GALNT13: variants seen among roughly 807,000 people sequenced by gnomAD.
GALNT13 encodes UDP-GalNAc:polypeptide N-acetylgalactosaminyltransferase 13.
A neutral mutation model predicts 64.2 loss-of-function variants in GALNT13; 28 were observed. That is an observed-to-expected ratio of 0.44 (90% CI 0.32 to 0.60). The LOEUF is 0.60. Ranked by LOEUF, GALNT13 falls within the 20% of genes least tolerant of loss-of-function variation. The probability of loss-of-function intolerance (pLI) is 0.05; values close to 1 mark genes in which losing one functional copy is unlikely to be tolerated. For synonymous variants in GALNT13, 214 were observed against 224.6 expected, an observed-to-expected ratio of 0.95 and a Z score of 0.42; for missense variants, 577 against 669.8, an observed-to-expected ratio of 0.86 and a Z score of 1.53.
the GALNT13 span, among the ~76,000 whole-genome samples, chr2:153,464,928 C>G: frequency 6.6e-6 from 1 of 152,070 alleles, no homozygotes; most frequent in African/African-American, 2.4e-5. Flanking sequence ...TAGTTACATA[C>G]TGGAAGATGC....
At chr2:153,199,173 G>C in the GALNT13 span, among the ~76,000 whole-genome samples, 19,990 of 152,228 alleles carry the variant, frequency 0.13, 1,469 homozygotes, top group Middle Eastern at 0.2. Context: ...TGGCAAGTAG[G>C]CTTCTCCTGC....
At chr2:153,620,870 T>C in the GALNT13 span, among the ~76,000 whole-genome samples, 3 of 152,066 alleles carry the variant, frequency 2.0e-5, no homozygotes, top group African/African-American at 7.2e-5. Flanking sequence ...TATTGTAGTC[T>C]TCACTGTGTG....
the GALNT13 span, among the ~76,000 whole-genome samples, chr2:153,301,719 C>T: frequency 1.3e-5 from 2 of 152,238 alleles, no homozygotes; most frequent in Admixed American, 6.5e-5. Flanking sequence ...CAGTTCTCTG[C>T]TTCCACGAGT....
At chr2:153,328,454 A>G in the GALNT13 span, among the ~76,000 whole-genome samples, 6 of 152,322 alleles carry the variant, frequency 3.9e-5, no homozygotes, top group South Asian at 6.2e-4. Context: ...AGTTTTATCT[A>G]TAAGCCCCTG....
At chr2:153,613,100 A>C in the GALNT13 span, among the ~76,000 whole-genome samples, 1 of 152,130 alleles carries the variant, frequency 6.6e-6, no homozygotes, top group African/African-American at 2.4e-5. Context: ...TTGAACACGC[A>C]TTGATTTACT....
intron 7 of GALNT13, among the ~76,000 whole-genome samples, chr2:154,251,838 A>T (rs529485814): frequency 6.6e-6 from 1 of 152,308 alleles, no homozygotes; most frequent in South Asian, 2.1e-4. Flanking sequence ...TAGAATAAGG[A>T]AGAAAGGAGA....
chr2:153,351,996 TATG>T, the GALNT13 span, among the ~76,000 whole-genome samples: 6 of 152,274 alleles, frequency 3.9e-5, no homozygotes, highest in East Asian at 1.2e-3. Flanking sequence ...TACTGCATCA[TATG>T]ATAAGAGTAT....
chr2:153,650,859 G>T, the GALNT13 span, among the ~76,000 whole-genome samples: 3 of 152,020 alleles, frequency 2.0e-5, no homozygotes, highest in African/African-American at 7.3e-5. Flanking sequence ...CCAAGTTTCG[G>T]AAGTATAAGA....
chr2:154,449,485 A>AG (rs1287512361), intron 12 of GALNT13, among the ~76,000 whole-genome samples: 9 of 151,762 alleles, frequency 5.9e-5, no homozygotes, highest in South Asian at 2.1e-4. Context: ...ATTTGCAAAA[A>AG]AAAAAGTATC....
the GALNT13 span, among the ~76,000 whole-genome samples, chr2:153,235,723 T>A: frequency 1.3e-5 from 2 of 152,146 alleles, no homozygotes; most frequent in African/African-American, 4.8e-5. Flanking sequence ...TTGTGCACTG[T>A]CAGGTGGTTT....
chr2:154,143,442 A>T (rs887392805), intron 4 of GALNT13, among the ~76,000 whole-genome samples: 9 of 150,246 alleles, frequency 6.0e-5, no homozygotes, highest in African/African-American at 2.0e-4. Flanking sequence ...TCAAGTTTTT[A>T]AAAAATCTCG....
chr2:154,133,427 G>A (rs936847513), intron 3 of GALNT13, among the ~76,000 whole-genome samples: 3 of 150,738 alleles, frequency 2.0e-5, no homozygotes, highest in Non-Finnish European at 4.4e-5. Flanking sequence ...TATGATTAAA[G>A]ATTTTTGAGC....
At chr2:153,617,666 A>G in the GALNT13 span, among the ~76,000 whole-genome samples, 5 of 151,876 alleles carry the variant, frequency 3.3e-5, no homozygotes, top group South Asian at 1.0e-3. Context: ...GAATTCAGCA[A>G]TAAAACCACT....
the GALNT13 span, among the ~76,000 whole-genome samples, chr2:153,219,495 G>A: frequency 6.6e-6 from 1 of 152,176 alleles, no homozygotes; most frequent in Admixed American, 6.5e-5. Flanking sequence ...GCTGTCTCAA[G>A]GATTTTAGAA....
At chr2:153,920,387 A>G (rs1455268572) in intron 2 of GALNT13, among the ~76,000 whole-genome samples, 5 of 152,020 alleles carry the variant, frequency 3.3e-5, no homozygotes, top group African/African-American at 1.2e-4. Context: ...TGGGGAAAGG[A>G]CTCTGTATTC....
chr2:153,778,395 G>C, the GALNT13 span, among the ~76,000 whole-genome samples: 3 of 152,142 alleles, frequency 2.0e-5, no homozygotes, highest in South Asian at 6.2e-4. Context: ...CCCTAGTCAG[G>C]GACCACGCCC....
the GALNT13 span, among the ~76,000 whole-genome samples, chr2:153,439,892 AC>A: frequency 6.6e-6 from 1 of 151,844 alleles, no homozygotes; most frequent in East Asian, 1.9e-4. Flanking sequence ...TGCAGAAATC[AC>A]CCGTTTTCTG....
At chr2:153,259,287 G>A in the GALNT13 span, among the ~76,000 whole-genome samples, 68,910 of 136,504 alleles carry the variant, frequency 0.5, 16,075 homozygotes, top group Non-Finnish European at 0.55. Flanking sequence ...ATCTCTTTCC[G>A]TTCTTTTATT....
intron 3 of GALNT13, among the ~76,000 whole-genome samples, chr2:154,037,159 G>T (rs1049437393): frequency 1.3e-5 from 2 of 151,922 alleles, no homozygotes; most frequent in Non-Finnish European, 2.9e-5. Flanking sequence ...TTGAATTAAG[G>T]TATAACCTGT....
Sources: gnomAD v4.1 joint callset for allele counts (sites outside exome capture counted in the v4.1 genomes callset) on GRCh38, gnomAD v4.1.1 for gene constraint, MANE v1.5 for transcripts, NCBI Gene and HGNC (gene_info 2026-07-23, HGNC 2026-07-21) for gene names.